PRDM11: variants seen among roughly 807,000 people sequenced by gnomAD.
PRDM11 encodes the protein PR/SET domain 11.
A neutral mutation model predicts 97.8 loss-of-function variants in PRDM11; 20 were observed. The observed-to-expected ratio is 0.20, with a 90% CI of 0.14 to 0.30. The LOEUF is 0.30. Among genes scored for constraint, PRDM11 ranks in the 10% least tolerant of loss-of-function variants. PRDM11 has a pLI of 1.00. For missense variants in PRDM11, 1,139 were observed against 1,555.2 expected (o/e 0.73, Z 4.50); for synonymous variants, 599 against 637.7 (o/e 0.94, Z 0.91).
chr11:45,135,342 A>G (rs1404055042), intron 1 of PRDM11, among the ~76,000 whole-genome samples: 1 of 152,210 alleles, frequency 6.6e-6, no homozygotes, highest in African/African-American at 2.4e-5. Flanking sequence ...ATTCATAAAT[A>G]TTTTTTAAAA....
intron 4 of PRDM11, among the ~76,000 whole-genome samples, chr11:45,187,413 G>A (rs1852744573): frequency 6.6e-6 from 1 of 152,194 alleles, no homozygotes; most frequent in African/African-American, 2.4e-5. Flanking sequence ...CCTTGGGACA[G>A]CCCAGCCATG....
intron 1 of PRDM11, among the ~76,000 whole-genome samples, chr11:45,139,760 T>A (rs1852959037): frequency 6.6e-6 from 1 of 152,178 alleles, no homozygotes; most frequent in African/African-American, 2.4e-5. Context: ...CATTCGTTTA[T>A]GTGCCTATGT....
At chr11:45,156,677 C>G (rs1018837798) in intron 1 of PRDM11, among the ~76,000 whole-genome samples, 18 of 152,240 alleles carry the variant, frequency 1.2e-4, no homozygotes, top group Non-Finnish European at 2.6e-4. Flanking sequence ...ATTTCTTGAG[C>G]AGCTCTTGCC....
chr11:45,208,994 G>A (rs1263568119), intron 5 of PRDM11: 1 of 456,582 alleles, frequency 2.2e-6, no homozygotes, highest in Non-Finnish European at 4.4e-6. Flanking sequence ...AGACCATGCG[G>A]CTGTCCCATG....
At chr11:45,217,553 A>G (rs1853993642) in intron 5 of PRDM11, among the ~76,000 whole-genome samples, 1 of 152,214 alleles carries the variant, frequency 6.6e-6, no homozygotes, top group Admixed American at 6.5e-5. Context: ...AGGTTGAAGC[A>G]GCCAAAGCCA....
intron 1 of PRDM11, among the ~76,000 whole-genome samples, chr11:45,116,708 T>C (rs191718628): frequency 6.6e-6 from 1 of 152,330 alleles, no homozygotes; most frequent in African/African-American, 2.4e-5. Flanking sequence ...TCTTTTGTAC[T>C]TTGTTATGGC....
chr11:45,113,722 A>G (rs1350860241), intron 1 of PRDM11, among the ~76,000 whole-genome samples: 1 of 151,524 alleles, frequency 6.6e-6, no homozygotes, highest in African/African-American at 2.4e-5. Context: ...CAGCTGTTGT[A>G]AAAGGGAGTG....
chr11:45,200,159 A>G (rs893018655), intron 4 of PRDM11, among the ~76,000 whole-genome samples: 1 of 152,214 alleles, frequency 6.6e-6, no homozygotes, highest in South Asian at 2.1e-4. Flanking sequence ...GATATGAGAC[A>G]ATCCCAATTG....
chr11:45,212,134 G>A (rs982270833), intron 5 of PRDM11, among the ~76,000 whole-genome samples: 1 of 152,228 alleles, frequency 6.6e-6, no homozygotes, highest in Non-Finnish European at 1.5e-5. Context: ...CAGAAAGTGA[G>A]GTGCAGAGAG....
intron 1 of PRDM11, among the ~76,000 whole-genome samples, chr11:45,155,412 AGC>A (rs1851768683): frequency 6.6e-6 from 1 of 152,192 alleles, no homozygotes; most frequent in Middle Eastern, 3.2e-3. Flanking sequence ...GGGCGGACTC[AGC>A]ACCGTCATGG....
At chr11:45,113,835 T>TC (rs1565230280) in intron 1 of PRDM11, among the ~76,000 whole-genome samples, 1 of 150,434 alleles carries the variant, frequency 6.6e-6, no homozygotes, top group Non-Finnish European at 1.5e-5. Flanking sequence ...TTTTGTTTTT[T>TC]TTTTTTTTTA....
At chr11:45,148,300 T>C (rs1326769729) in intron 1 of PRDM11, among the ~76,000 whole-genome samples, 2 of 152,214 alleles carry the variant, frequency 1.3e-5, no homozygotes. Flanking sequence ...TTGGCCTCTC[T>C]GAGCCTTGTG....
At position 45,219,999 on chromosome 11, in the gene PRDM11, A is replaced by G. The variant is rs565228663; in HGVS notation, c.742+242A>G. Among the ~76,000 whole-genome samples, 2 of 152,332 alleles carry G rather than the reference A, an allele frequency of 1.3e-5. No individual in the cohort carries two copies. The highest frequency in any genetic ancestry group is 2.4e-5 in the African/African-American group (1 of 41,586). On this transcript the variant is annotated intron_variant, in intron 6 of 7. Transcript: ENST00000683152. The surrounding 1 kb of genome is among the most constrained non-coding windows in gnomAD (Gnocchi z 4.2). ...TTACCACACACATTTCAGAGTATTC[A>G]TGAGAGAGACGCCCCCAAAACCGAG...
chr11:45,152,403 A>G (rs190827382), intron 1 of PRDM11, among the ~76,000 whole-genome samples: 110 of 152,246 alleles, frequency 7.2e-4, no homozygotes, highest in African/African-American at 2.5e-3. Flanking sequence ...AACCCACCCC[A>G]ACACCCTCTC....
intron 1 of PRDM11, among the ~76,000 whole-genome samples, chr11:45,102,743 G>A (rs1348783770): frequency 6.6e-6 from 1 of 152,228 alleles, no homozygotes; most frequent in Non-Finnish European, 1.5e-5. Context: ...GGTGGATGCT[G>A]GAAACGCCAG....
chr11:45,208,850 G>A (rs1383442048), intron 5 of PRDM11: 4 of 416,070 alleles, frequency 9.6e-6, no homozygotes, highest in South Asian at 5.2e-5. Flanking sequence ...ACCCAATTGT[G>A]CTTTGTGGGA....
chr11:45,145,103 A>G (rs113601695), upstream of PRDM11, among the ~76,000 whole-genome samples: 2 of 152,242 alleles, frequency 1.3e-5, no homozygotes, highest in East Asian at 1.9e-4. Flanking sequence ...TCTCTTGAGC[A>G]TCTACTGAGA....
intron 1 of PRDM11, among the ~76,000 whole-genome samples, chr11:45,157,849 A>C (rs1851838998): frequency 6.6e-6 from 1 of 152,176 alleles, no homozygotes. Context: ...TGCTGGGTAC[A>C]GTTTGGGGTA....
intron 5 of PRDM11, among the ~76,000 whole-genome samples, chr11:45,210,503 C>T (rs537366162): frequency 6.6e-6 from 1 of 152,342 alleles, no homozygotes; most frequent in East Asian, 1.9e-4. Flanking sequence ...CACTAGAGGC[C>T]GTCTGCCTGA....
Sources: gnomAD v4.1 joint callset for allele counts (sites outside exome capture counted in the v4.1 genomes callset) on GRCh38, gnomAD v4.1.1 for gene constraint, Gnocchi (gnomAD v3.1) non-coding constraint, MANE v1.5 for transcripts, NCBI Gene and HGNC (gene_info 2026-07-23, HGNC 2026-07-21) for gene names.